ATP8A2: variants seen among roughly 807,000 people sequenced by gnomAD.
The protein encoded by ATP8A2 is phospholipid-transporting ATPase IB.
Under a neutral mutation model 165.6 loss-of-function variants are expected in ATP8A2, and 100 were observed. The ratio of observed to expected loss-of-function variants is 0.60; its 90% CI spans 0.51 to 0.71. The LOEUF is 0.71. Among genes scored for constraint, ATP8A2 ranks in the 30% least tolerant of loss-of-function variants. The pLI is 0.00. For missense variants in ATP8A2, 1,227 were observed against 1,479.5 expected, an observed-to-expected ratio of 0.83 and a Z score of 2.80; for synonymous variants, 543 against 548.8, an observed-to-expected ratio of 0.99 and a Z score of 0.15.
chr13:25,459,519 A>T (rs1593337390), intron 1 of ATP8A2, among the ~76,000 whole-genome samples: 1 of 152,236 alleles, frequency 6.6e-6, no homozygotes, highest in Non-Finnish European at 1.5e-5. Context: ...ATGTTGGAAG[A>T]CAGAAAATGA....
intron 16 of ATP8A2, among the ~76,000 whole-genome samples, chr13:25,565,946 A>T (rs1208953597): frequency 2.6e-5 from 4 of 152,092 alleles, no homozygotes; most frequent in African/African-American, 9.7e-5. Flanking sequence ...TAGATGTAAT[A>T]TGATTAATTT....
chr13:25,816,502 A>G (rs1431331611), intron 27 of ATP8A2, among the ~76,000 whole-genome samples: 1 of 152,134 alleles, frequency 6.6e-6, no homozygotes, highest in African/African-American at 2.4e-5. Flanking sequence ...ACATTTGGAA[A>G]AGTTGTGCTC....
At chr13:25,600,699 C>T (rs1269734440) in intron 24 of ATP8A2, among the ~76,000 whole-genome samples, 2 of 152,168 alleles carry the variant, frequency 1.3e-5, no homozygotes, top group Non-Finnish European at 2.9e-5. Flanking sequence ...TCTTCATGCT[C>T]TCTCTCCTCT....
chr13:25,932,076 G>GGGAAAGC (rs1954783633), intron 33 of ATP8A2, among the ~76,000 whole-genome samples: 1 of 151,572 alleles, frequency 6.6e-6, no homozygotes, highest in Non-Finnish European at 1.5e-5. Context: ...AGAAAGAAAG[G>GGGAAAGC]GGAAAGCTGG....
At chr13:25,512,936 T>C (rs868316761) in intron 2 of ATP8A2, among the ~76,000 whole-genome samples, 120 of 117,808 alleles carry the variant, frequency 1.0e-3, no homozygotes, top group South Asian at 6.3e-3. Context: ...CCCTCCCGGA[T>C]GGGGCGGCTG....
chr13:25,895,383 C>T (rs1168928185), intron 33 of ATP8A2, among the ~76,000 whole-genome samples: 1 of 151,784 alleles, frequency 6.6e-6, no homozygotes, highest in Non-Finnish European at 1.5e-5. Context: ...GGAATGAAGC[C>T]CACTTGATCA....
At chr13:25,529,579 A>G (rs990686505) in intron 2 of ATP8A2, among the ~76,000 whole-genome samples, 3 of 152,216 alleles carry the variant, frequency 2.0e-5, no homozygotes, top group Non-Finnish European at 4.4e-5. Flanking sequence ...GTGAGCAAAC[A>G]TGATCAAATA....
rs74763185 is a variant in ATP8A2 at position 25,821,398 on chromosome 13, C to G, written c.2680-6720C>G. 7.3e-3 allele frequency among the ~76,000 whole-genome samples: 1,112 copies of G among 152,258 alleles called. 32 individuals carry two copies. In the East Asian group the frequency reaches 0.1, roughly 14 times the overall value. ...CTTGATTATACCGAATTCACTCAGT[C>G]TTTGAAATAATTTCTCATTAATAAT... On this transcript the variant is annotated intron_variant, in intron 27 of 36. Transcript: ENST00000381655.
chr13:25,550,569 A>G (rs1013415543), intron 10 of ATP8A2, among the ~76,000 whole-genome samples: 7 of 152,200 alleles, frequency 4.6e-5, no homozygotes, highest in African/African-American at 1.4e-4. Context: ...TCTCCTGCCA[A>G]CACTGGCCTC....
At chr13:25,984,236 CA>C (rs34808241) in intron 35 of ATP8A2, among the ~76,000 whole-genome samples, 21 of 144,766 alleles carry the variant, frequency 1.5e-4, no homozygotes, top group East Asian at 2.0e-4. Flanking sequence ...GAAACCGTCT[CA>C]AAAAAAAAAA....
chr13:26,020,275 A>T lies in ATP8A2; in HGVS notation c.*290A>T. The T allele has an allele frequency of 7.6e-6, 3 of 393,948 alleles. No individual in the cohort carries two copies. The highest frequency in any genetic ancestry group is 4.6e-6 in the Non-Finnish European group (1 of 218,072). 24.4% of individuals were successfully genotyped at this position (393,948 alleles called of 1,614,324 possible). A position where few individuals can be genotyped will look rare whatever the true frequency, so the allele number is the denominator to read the frequency against. ...CTCTGTGAGGTGTGAAATTAAAAAC[A>T]TTATGTTTCACCAATATTTAAACAT... On this transcript the variant is annotated 3_prime_UTR_variant, in exon 37 of 37. Coordinates refer to ENST00000381655, the MANE Select transcript of ATP8A2 (RefSeq NM_016529.6).
At chr13:25,443,827 G>A (rs951932295) in intron 1 of ATP8A2, among the ~76,000 whole-genome samples, 2 of 152,232 alleles carry the variant, frequency 1.3e-5, no homozygotes, top group Admixed American at 1.3e-4. Context: ...CTAGAAGGGT[G>A]CCTGGCACCC....
At chr13:25,932,058 A>AG (rs1304421860) in intron 33 of ATP8A2, among the ~76,000 whole-genome samples, 1 of 151,384 alleles carries the variant, frequency 6.6e-6, no homozygotes, top group East Asian at 1.9e-4. Flanking sequence ...CAAAAAAAAA[A>AG]AAAAGAAAGA....
intron 1 of ATP8A2, among the ~76,000 whole-genome samples, chr13:25,387,349 C>T (rs1593239121): frequency 6.6e-6 from 1 of 152,254 alleles, no homozygotes; most frequent in South Asian, 2.1e-4. Flanking sequence ...TCTACGCACT[C>T]GCTTCTGCTT....
chr13:25,962,955 T>C (rs1955691128), intron 34 of ATP8A2, among the ~76,000 whole-genome samples: 1 of 152,226 alleles, frequency 6.6e-6, no homozygotes, highest in South Asian at 2.1e-4. Context: ...TAAATAATTC[T>C]CATTTCTTAA....
chr13:25,732,644 A>T (rs143180794), intron 25 of ATP8A2, among the ~76,000 whole-genome samples: 2 of 152,310 alleles, frequency 1.3e-5, no homozygotes, highest in East Asian at 3.9e-4. Flanking sequence ...TGTGTGATGT[A>T]CTTCAGCTTG....
At chr13:25,468,576 G>A (rs1386017325) in intron 1 of ATP8A2, among the ~76,000 whole-genome samples, 1 of 152,178 alleles carries the variant, frequency 6.6e-6, no homozygotes, top group Non-Finnish European at 1.5e-5. Context: ...GGGTACGCTC[G>A]GCCAGATGGC....
intron 27 of ATP8A2, among the ~76,000 whole-genome samples, chr13:25,784,266 A>G (rs144354319): frequency 1.0e-3 from 156 of 152,300 alleles, no homozygotes; most frequent in South Asian, 1.7e-3. Flanking sequence ...AACAGAGCCC[A>G]TGCAAAGAAC....
chr13:25,397,477 C>T (rs1034967804), intron 1 of ATP8A2, among the ~76,000 whole-genome samples: 4 of 152,120 alleles, frequency 2.6e-5, no homozygotes, highest in African/African-American at 9.7e-5. Flanking sequence ...GTCCTCTCTG[C>T]TCCTCACCCA....
Sources: gnomAD v4.1 joint callset for allele counts (sites outside exome capture counted in the v4.1 genomes callset) on GRCh38, gnomAD v4.1.1 for gene constraint, MANE v1.5 for transcripts, NCBI Gene and HGNC (gene_info 2026-07-23, HGNC 2026-07-21) for gene names.